Variants in MYOM1 observed in about 807,000 individuals in gnomAD.
MYOM1 encodes myomesin 1.
Under a neutral mutation model 205.3 loss-of-function variants are expected in MYOM1, and 164 were observed. The ratio of observed to expected loss-of-function variants is 0.80; its 90% confidence interval spans 0.70 to 0.91. MYOM1 has a LOEUF of 0.91. Among genes scored for constraint, MYOM1 ranks in the 40% least tolerant of loss-of-function variants. The probability of loss-of-function intolerance (pLI) is 0.00; values close to 1 mark genes in which losing one functional copy is unlikely to be tolerated. For missense variants in MYOM1, 2,011 were observed against 2,127.3 expected, an observed-to-expected ratio of 0.95 and a Z score of 1.08; for synonymous variants, 772 against 789.4, an observed-to-expected ratio of 0.98 and a Z score of 0.37.
At chr18:3,092,055 T>C (rs1359317027) in intron 26 of MYOM1, among the ~76,000 whole-genome samples, 1 of 152,018 alleles carries the variant, frequency 6.6e-6, no homozygotes, top group Non-Finnish European at 1.5e-5. Flanking sequence ...ATGAGTAGAA[T>C]AATGTAAAAC....
At chr18:3,141,607 G>A (rs1660598482) in intron 14 of MYOM1, among the ~76,000 whole-genome samples, 2 of 152,148 alleles carry the variant, frequency 1.3e-5, no homozygotes, top group Non-Finnish European at 2.9e-5. Flanking sequence ...CCAAAGCAAG[G>A]GAGACAGGAA....
intron 5 of MYOM1, among the ~76,000 whole-genome samples, chr18:3,181,732 A>ATTTTTTT (rs11448786): frequency 7.9e-6 from 1 of 127,086 alleles, no homozygotes; most frequent in Non-Finnish European, 1.6e-5. Context: ...AAACTGAATA[A>ATTTTTTT]TTTTTTTTTT....
At chr18:3,093,797 A>T (rs201916950) in intron 26 of MYOM1, among the ~76,000 whole-genome samples, 1 of 152,190 alleles carries the variant, frequency 6.6e-6, no homozygotes, top group Non-Finnish European at 1.5e-5. Flanking sequence ...CCTATTCTTC[A>T]TATAATGAAT....
the MYOM1 span, among the ~76,000 whole-genome samples, chr18:3,237,743 G>A: frequency 1.3e-5 from 2 of 151,796 alleles, no homozygotes; most frequent in Admixed American, 6.6e-5. Flanking sequence ...GAAATACTTA[G>A]AGTGGCCAGA....
At chr18:3,105,836 C>T (rs1043631572) in intron 22 of MYOM1, among the ~76,000 whole-genome samples, 9 of 152,122 alleles carry the variant, frequency 5.9e-5, no homozygotes, top group Admixed American at 1.3e-4. Context: ...GCCTGGGCAA[C>T]AGAGCAAGAC....
At position 3,209,112 on chromosome 18, in the gene MYOM1, C is replaced by A. The variant is rs973079787; in HGVS notation, c.290+5822G>T. Among the ~76,000 whole-genome samples, 1 of 152,172 alleles carries A rather than the reference C, an allele frequency of 6.6e-6. No homozygotes were observed. Among genetic ancestry groups the A allele is most frequent in the Non-Finnish European group, 1.5e-5 (1 of 68,024 alleles). On this transcript the variant is annotated intron_variant, in intron 2 of 37. Transcript: ENST00000356443. The surrounding 1 kb of genome is among the most constrained non-coding windows in gnomAD (Gnocchi z 4.0). ...ACACTAACAAAAGAATAAGGCATTTCTTTGACACGATGTAGAGGGAATCTG... is the reference window on the plus strand; with the variant it reads ...ACACTAACAAAAGAATAAGGCATTTATTTGACACGATGTAGAGGGAATCTG...
chr18:3,069,821 T>C (rs903906710), intron 37 of MYOM1, among the ~76,000 whole-genome samples: 26 of 152,244 alleles, frequency 1.7e-4, no homozygotes, highest in Non-Finnish European at 1.5e-5. Flanking sequence ...TACTTTCATA[T>C]ACATTCTCTT....
chr18:3,108,700 C>T (rs1336568538), intron 22 of MYOM1, among the ~76,000 whole-genome samples: 1 of 152,060 alleles, frequency 6.6e-6, no homozygotes, highest in African/African-American at 2.4e-5. Context: ...ACCACCACAC[C>T]CAGCTAATTT....
Position 3,090,009 on chromosome 18 carries a change from A to C in MYOM1, c.4010-413T>G, listed in dbSNP as rs79995533. ...TTACAGTAAGTACACGTGGCAAAAC[A>C]GTCTCATGGTTTGTTTCTGAGACAC... On this transcript the variant is annotated intron_variant, in intron 27 of 37. Transcript: ENST00000356443. 4.8e-3 allele frequency among the ~76,000 whole-genome samples: 729 copies of C among 151,340 alleles called. 5 individuals are homozygous for C. Among genetic ancestry groups the C allele is most frequent in the African/African-American group, 0.017 (699 of 41,370 alleles).
intron 26 of MYOM1, among the ~76,000 whole-genome samples, chr18:3,093,074 A>T (rs1403326173): frequency 6.6e-6 from 1 of 152,126 alleles, no homozygotes; most frequent in African/African-American, 2.4e-5. Flanking sequence ...TGGACACAGG[A>T]GTCAGGAGTG....
At position 3,215,215 on chromosome 18, in the gene MYOM1, C is replaced by T. The variant is rs759021270; in HGVS notation, c.9G>A (p.Leu3=). The change falls in exon 2 of 38, where the codon TTG becomes TTA. Residue 3 remains leucine, a synonymous_variant. Transcript: ENST00000356443. MS[L]PFYQRCHQHY... Reference sequence around the variant, plus strand: ...GCTGGTGGCACCTCTGATAAAAAGGCAAAGACATCCTGTGCCCCTTGAAGG... The same window carrying T: ...GCTGGTGGCACCTCTGATAAAAAGGTAAAGACATCCTGTGCCCCTTGAAGG... 7.5e-6 allele frequency: 12 copies of T among 1,609,734 alleles called. No homozygotes were observed. The highest frequency in any genetic ancestry group is 1.0e-5 in the Non-Finnish European group (12 of 1,177,832).
At chr18:3,093,001 G>A (rs542374436) in intron 26 of MYOM1, among the ~76,000 whole-genome samples, 1 of 152,260 alleles carries the variant, frequency 6.6e-6, no homozygotes, top group South Asian at 2.1e-4. Context: ...CCTCTCCCCT[G>A]ACCAGGTGGT....
chr18:3,246,379 G>T, the MYOM1 span: 1 of 152,180 alleles, frequency 6.6e-6, no homozygotes, highest in East Asian at 1.9e-4. Context: ...CCCAGGACCT[G>T]CCCTTAAAGA....
At chr18:3,196,780 G>A (rs1041426329) in intron 2 of MYOM1, among the ~76,000 whole-genome samples, 16 of 152,186 alleles carry the variant, frequency 1.1e-4, no homozygotes, top group African/African-American at 3.9e-4. Context: ...CCACAGGGAA[G>A]AGATGTAGCC....
upstream of MYOM1, among the ~76,000 whole-genome samples, chr18:3,223,199 AT>A (rs2081339138): frequency 6.6e-6 from 1 of 152,202 alleles, no homozygotes; most frequent in African/African-American, 2.4e-5. Flanking sequence ...CAATTTCTTA[AT>A]TCATAAAATG....
At chr18:3,069,120 A>C (rs576622704) in intron 37 of MYOM1, among the ~76,000 whole-genome samples, 2 of 152,074 alleles carry the variant, frequency 1.3e-5, no homozygotes, top group Non-Finnish European at 2.9e-5. Flanking sequence ...GGTTTTTCTG[A>C]GCGGCTATAC....
chr18:3,227,281 A>T, the MYOM1 span, among the ~76,000 whole-genome samples: 9 of 152,196 alleles, frequency 5.9e-5, no homozygotes, highest in African/African-American at 7.2e-5. Flanking sequence ...AATATTATTC[A>T]GCCTTAAAAA....
chr18:3,193,361 T>TACACACACACACACAC (rs58632082), intron 3 of MYOM1, among the ~76,000 whole-genome samples: 11 of 135,900 alleles, frequency 8.1e-5, no homozygotes, highest in South Asian at 2.3e-4. Flanking sequence ...TATATATATA[T>TACACACACACACACAC]ACACACACAC....
At chr18:3,080,799 T>C (rs1368471670) in intron 33 of MYOM1, among the ~76,000 whole-genome samples, 1 of 152,154 alleles carries the variant, frequency 6.6e-6, no homozygotes, top group Non-Finnish European at 1.5e-5. Flanking sequence ...TGCCATAAAA[T>C]GTAAAGACAG....
Sources: gnomAD v4.1 joint callset for allele counts (sites outside exome capture counted in the v4.1 genomes callset) on GRCh38, gnomAD v4.1.1 for gene constraint, Gnocchi (gnomAD v3.1) non-coding constraint, MANE v1.5 for transcripts, NCBI Gene and HGNC (gene_info 2026-07-23, HGNC 2026-07-21) for gene names.